MAOB: variants seen among roughly 807,000 people sequenced by gnomAD.
The protein encoded by MAOB is amine oxidase [flavin-containing] B.
MAOB carries 15 observed loss-of-function variants against 41.9 expected under a neutral mutation model. The ratio of observed to expected loss-of-function variants is 0.36; its 90% CI spans 0.24 to 0.55. MAOB has a LOEUF of 0.55. Among genes scored for constraint, MAOB ranks in the 20% least tolerant of loss-of-function variants. The pLI, the probability that MAOB is intolerant of heterozygous loss-of-function variation, is 0.86. For synonymous variants in MAOB, 167 were observed against 144.2 expected, an observed-to-expected ratio of 1.16 and a Z score of -1.13; for missense variants, 345 against 398.7, an observed-to-expected ratio of 0.87 and a Z score of 1.15.
At chrX:43,868,105 A>T (rs1460480333) in intron 1 of MAOB, among the ~76,000 whole-genome samples, 1 of 111,842 alleles carries the variant, frequency 8.9e-6, no homozygotes, top group East Asian at 2.8e-4. Flanking sequence ...AAACCTACAG[A>T]CTCCTTTCAA....
chrX:43,804,519 G>C (rs1056137633), intron 3 of MAOB, among the ~76,000 whole-genome samples: 1 of 111,310 alleles, frequency 9.0e-6, no homozygotes, highest in Non-Finnish European at 1.9e-5. Flanking sequence ...CATAGATATA[G>C]ATAGATGATA....
chrX:43,868,857 G>A (rs1034903761), intron 1 of MAOB, among the ~76,000 whole-genome samples: 2 of 104,643 alleles, frequency 1.9e-5, no homozygotes, highest in Non-Finnish European at 4.0e-5. Flanking sequence ...ATCAATTCTT[G>A]TGTGTGTGTG....
intron 3 of MAOB, among the ~76,000 whole-genome samples, chrX:43,806,360 C>T (rs1180004893): frequency 2.7e-5 from 3 of 111,736 alleles, no homozygotes; most frequent in African/African-American, 6.5e-5. Flanking sequence ...TTGAAGAATA[C>T]GGGTCAGTTA....
Position 43,766,884 on chromosome X carries a change from T to C in MAOB, c.*582A>G, listed in dbSNP as rs1297619558. 3 of 111,530 alleles carry C rather than the reference T, an allele frequency of 2.7e-5. No homozygotes were observed. Among genetic ancestry groups the C allele is most frequent in the African/African-American group, 9.8e-5 (3 of 30,524 alleles). The allele number at this position is 111,530 out of a possible 1,213,427, so 9.2% of individuals were successfully genotyped here. A position where few individuals can be genotyped will look rare whatever the true frequency, so the allele number is the denominator to read the frequency against. On this transcript the variant is annotated 3_prime_UTR_variant, in exon 15 of 15. Transcript: ENST00000378069. ...TGAAGGAGGATAATTGGGGAAAACA[T>C]CCAAAGAGGTGGGAAAAGCGTTGGA...
chrX:43,830,418 G>C (rs1229327609), intron 3 of MAOB, among the ~76,000 whole-genome samples: 1 of 111,434 alleles, frequency 9.0e-6, no homozygotes, highest in East Asian at 2.8e-4. Context: ...GGTATTAAAA[G>C]TCTGACTGGA....
chrX:43,776,159 T>G (rs1192358043), intron 11 of MAOB, among the ~76,000 whole-genome samples: 3 of 112,221 alleles, frequency 2.7e-5, no homozygotes, highest in Non-Finnish European at 5.6e-5. Flanking sequence ...CTTCTCTGGC[T>G]GTCTCCAGCC....
At chrX:43,843,861 C>G (rs1225200393) in intron 1 of MAOB, 97 bp from the exon 2 acceptor site, 3 of 1,099,143 alleles carry the variant, frequency 2.7e-6, no homozygotes, top group Non-Finnish European at 2.4e-6. Flanking sequence ...TGCTGGCTCA[C>G]GTGCACCGCC....
chrX:43,821,762 T>C (rs2034884002), intron 3 of MAOB, among the ~76,000 whole-genome samples: 1 of 112,320 alleles, frequency 8.9e-6, no homozygotes, highest in Non-Finnish European at 1.9e-5. Context: ...AAACAAATTG[T>C]CAAAAAACTC....
At chrX:43,809,280 G>A (rs1168984969) in intron 3 of MAOB, among the ~76,000 whole-genome samples, 2 of 112,206 alleles carry the variant, frequency 1.8e-5, no homozygotes, top group Non-Finnish European at 3.8e-5. Flanking sequence ...TGGTGTCAAA[G>A]ACCAGCTGTT....
In MAOB at chrX:43,882,402, CT is replaced by C; in HGVS notation, c.-104del. On this transcript the variant is annotated 5_prime_UTR_variant, in exon 1 of 15. Transcript: ENST00000378069. Reference sequence around the variant, plus strand: ...CCAGCCCGCCCGCCTGCCCGCCGGCCTGCTGCGCGCTGCCCCCGTGCACCAG... The same window carrying C: ...CCAGCCCGCCCGCCTGCCCGCCGGCCGCTGCGCGCTGCCCCCGTGCACCAG... The C allele has an allele frequency of 1.8e-6, 2 of 1,093,971 alleles. No individual in the cohort carries two copies. Among genetic ancestry groups the C allele is most frequent in the Non-Finnish European group, 2.4e-6 (2 of 839,847 alleles). The allele number at this position is 1,093,971 out of a possible 1,213,427, so 90.2% of individuals were successfully genotyped here.
At chrX:43,862,035 C>T (rs965236335) in intron 1 of MAOB, among the ~76,000 whole-genome samples, 2 of 111,212 alleles carry the variant, frequency 1.8e-5, no homozygotes, top group African/African-American at 3.3e-5. Flanking sequence ...GAGGTATAAT[C>T]CAGACCTGAG....
rs1198868516 is a variant in MAOB at position 43,793,657 on chromosome X, C to T, written c.769-79G>A. ...TCCCAATGATTCTCTCTCATTCTAT[C>T]GTTATATTCTTTTCAGTCTCTTAAA... is the stretch of plus-strand genomic sequence containing the variant. On this transcript the variant is annotated intron_variant, in intron 7 of 14. Coordinates refer to ENST00000378069, the MANE Select transcript of MAOB (RefSeq NM_000898.5). The T allele has an allele frequency of 1.5e-5, 12 of 827,239 alleles. No individual in the cohort carries two copies. In the South Asian group the frequency reaches 1.8e-4, roughly 12 times the overall value. The allele number at this position is 827,239 out of a possible 1,213,427, so 68.2% of individuals were successfully genotyped here.
chrX:43,819,164 A>G (rs965457434), intron 3 of MAOB, among the ~76,000 whole-genome samples: 18 of 111,889 alleles, frequency 1.6e-4, no homozygotes, highest in African/African-American at 4.9e-4. Context: ...CAAGTGGTCA[A>G]TGTGGCAGAT....
intron 1 of MAOB, among the ~76,000 whole-genome samples, chrX:43,850,140 C>A (rs2035240264): frequency 8.9e-6 from 1 of 111,898 alleles, no homozygotes; most frequent in Non-Finnish European, 1.9e-5. Flanking sequence ...CAGTTATACA[C>A]CTAGCAATGG....
intron 1 of MAOB, among the ~76,000 whole-genome samples, chrX:43,868,430 T>C (rs1478553763): frequency 8.9e-6 from 1 of 111,778 alleles, no homozygotes; most frequent in Non-Finnish European, 1.9e-5. Context: ...TACAGAAAAC[T>C]CATTTCCCCC....
At chrX:43,869,150 T>C (rs1195286200) in intron 1 of MAOB, among the ~76,000 whole-genome samples, 2 of 111,762 alleles carry the variant, frequency 1.8e-5, no homozygotes, top group Non-Finnish European at 3.8e-5. Context: ...GTGCTAATGG[T>C]ATCATAACAC....
rs1193792906 is a variant in MAOB, at chrX:43,774,956, T to C, written c.1235+219A>G. 2.7e-5 allele frequency among the ~76,000 whole-genome samples: 3 copies of C among 111,051 alleles called. No individual in the cohort carries two copies. In the Admixed American group the frequency reaches 2.9e-4, roughly 11 times the overall value. On this transcript the variant is annotated intron_variant, in intron 12 of 14. Coordinates refer to ENST00000378069, the MANE Select transcript of MAOB (RefSeq NM_000898.5). Reference sequence around the variant, plus strand: ...CTATGGTTATATTGATTGGAATTGCTCTTCCAGGGAAAAGCAGCACCATGA... The same window carrying C: ...CTATGGTTATATTGATTGGAATTGCCCTTCCAGGGAAAAGCAGCACCATGA...
Position 43,793,517 on chromosome X carries a change from G to A in MAOB, c.830C>T (p.Pro277Leu). ...TLGMKIHFNP[P>L]LPMMRNQMIT... Reference sequence around the variant, plus strand: ...CATCTGGTTTCTCATCATTGGCAGAGGGGGATTGAAGTGAATCTTCATGCC... The same window carrying A: ...CATCTGGTTTCTCATCATTGGCAGAAGGGGATTGAAGTGAATCTTCATGCC... Residue 277 changes from proline (P) to leucine (L), a missense_variant, in exon 8 of 15, where the codon CCT becomes CTT. By Grantham distance (98) the Pro-to-Leu change is moderately conservative. Transcript: ENST00000378069. 4 of 1,202,528 alleles carry A rather than the reference G, an allele frequency of 3.3e-6. No homozygotes were observed. Among genetic ancestry groups the A allele is most frequent in the Non-Finnish European group, 4.5e-6 (4 of 887,902 alleles).
chrX:43,804,825 A>G (rs2034641712), intron 3 of MAOB, among the ~76,000 whole-genome samples: 1 of 111,935 alleles, frequency 8.9e-6, no homozygotes, highest in Middle Eastern at 4.6e-3. Context: ...CTCAAAGTCT[A>G]CTGATTTAAA....
Sources: allele counts gnomAD v4.1 joint callset (sites outside exome capture counted in the v4.1 genomes callset), GRCh38; gene constraint gnomAD v4.1.1; transcripts MANE v1.5; gene names NCBI Gene and HGNC (gene_info 2026-07-23, HGNC 2026-07-21).